Variants in SLC5A10 observed in about 807,000 individuals in gnomAD.
SLC5A10 encodes solute carrier family 5 member 10, also known as sodium/mannose cotransporter SLC5A10.
Under a neutral mutation model 68.9 loss-of-function variants are expected in SLC5A10, and 55 were observed. That is an observed-to-expected ratio of 0.80 (90% CI 0.64 to 1.00). The LOEUF (loss-of-function observed/expected upper bound fraction) is 1.00. Among genes scored for constraint, SLC5A10 ranks in the 50% least tolerant of loss-of-function variants. The pLI is 0.00. For missense variants in SLC5A10, 732 were observed against 819.3 expected (o/e 0.89, Z 1.30); for synonymous variants, 344 against 344.8 (o/e 1.00, Z 0.02).
At chr17:18,980,722 C>T (rs2043109812) in intron 9 of SLC5A10, among the ~76,000 whole-genome samples, 2 of 152,154 alleles carry the variant, frequency 1.3e-5, no homozygotes, top group Non-Finnish European at 2.9e-5. Flanking sequence ...TGGCCAAGGG[C>T]ATCCCGAAGT....
In SLC5A10 at chr17:19,015,198, C is replaced by T. The variant is rs771322586; in HGVS notation, c.1240C>T (p.Arg414Trp). 28 of 593,526 alleles carry T rather than the reference C, an allele frequency of 4.7e-5. No individual in the cohort carries two copies. The highest frequency in any genetic ancestry group is 4.2e-4 in the Admixed American group (13 of 31,288). The allele number at this position is 593,526 out of a possible 1,614,324, so 36.8% of individuals were successfully genotyped here. ...CGAGCGGGAGCTCCTGCTGGTGGGA[C>T]GGTACGGGGGTGGGGGCCAGTACGG... ...SGERELLLVG[R>W]LVIVALIGVS... Residue 414 changes from arginine (R) to tryptophan (W), a missense_variant and splice_region_variant, in exon 11 of 15, where the codon CGG (arginine) becomes TGG (tryptophan). Coordinates refer to ENST00000395645, the MANE Select transcript of SLC5A10 (RefSeq NM_001042450.4).
chr17:18,960,028 T>TACCCCTGGGCTGC (rs1311218150), intron 4 of SLC5A10, among the ~76,000 whole-genome samples: 1 of 152,090 alleles, frequency 6.6e-6, no homozygotes, highest in Non-Finnish European at 1.5e-5. Flanking sequence ...ACCTGGGCTG[T>TACCCCTGGGCTGC]ACCCCTGGGC....
chr17:19,019,228 C>T (rs1475422505), intron 11 of SLC5A10, 195 bp from the exon 12 acceptor site: 4 of 629,932 alleles, frequency 6.3e-6, no homozygotes, highest in Non-Finnish European at 1.1e-5. Context: ...CTGCAGGATC[C>T]AGGGAGCCAC....
At chr17:18,972,745 C>A (rs1344874258) in intron 8 of SLC5A10, among the ~76,000 whole-genome samples, 1 of 152,052 alleles carries the variant, frequency 6.6e-6, no homozygotes, top group Non-Finnish European at 1.5e-5. Context: ...GCCTGTAGTC[C>A]CAGCTACTCG....
At chr17:18,995,956 AT>A (rs2043560992) in intron 9 of SLC5A10, among the ~76,000 whole-genome samples, 1 of 152,022 alleles carries the variant, frequency 6.6e-6, no homozygotes, top group African/African-American at 2.4e-5. Context: ...CAGAAGAGAC[AT>A]GAAAAAACTA....
intron 9 of SLC5A10, among the ~76,000 whole-genome samples, chr17:18,984,117 C>T (rs1005979587): frequency 5.3e-5 from 8 of 151,914 alleles, no homozygotes; most frequent in South Asian, 4.1e-4. Flanking sequence ...CCGAGGCGGG[C>T]GGATCACGAG....
intron 2 of SLC5A10, 117 bp downstream of exon 2, chr17:18,958,870 G>A: frequency 8.0e-7 from 1 of 1,256,722 alleles, no homozygotes; most frequent in Non-Finnish European, 1.1e-6. Flanking sequence ...GCAGGCCGGA[G>A]GCTGGCAGGA....
At chr17:18,964,488 G>A (rs757931231) in intron 5 of SLC5A10, among the ~76,000 whole-genome samples, 4 of 152,198 alleles carry the variant, frequency 2.6e-5, no homozygotes, top group African/African-American at 9.7e-5. Context: ...GGCCCTGGGT[G>A]AGCCCCCCAC....
intron 9 of SLC5A10, chr17:18,978,215 T>TG (rs746975174): frequency 6.3e-7 from 1 of 1,575,380 alleles, no homozygotes. Context: ...GACACCGTCC[T>TG]GGGGGGCACT....
At chr17:18,967,542 C>T (rs1359807093) in intron 5 of SLC5A10, among the ~76,000 whole-genome samples, 1 of 152,208 alleles carries the variant, frequency 6.6e-6, no homozygotes, top group Non-Finnish European at 1.5e-5. Flanking sequence ...ATGTGTCTGG[C>T]GTGGCCAGAG....
intron 7 of SLC5A10, chr17:18,970,609 A>G (rs2042818216): frequency 8.1e-6 from 2 of 247,920 alleles, no homozygotes; most frequent in Non-Finnish European, 7.9e-6. Context: ...CAGGATGAAC[A>G]CTTTAGAAGC....
chr17:18,954,668 C>CT (rs2042453804), intron 1 of SLC5A10, among the ~76,000 whole-genome samples: 1 of 152,096 alleles, frequency 6.6e-6, no homozygotes, highest in Admixed American at 6.5e-5. Context: ...GGGGGGAGGC[C>CT]TTTAAGGAAG....
Position 18,976,977 on chromosome 17 carries a change from G to T in SLC5A10, c.970G>T (p.Ala324Ser). ...LIIMPGMISR[A>S]LFPDDVGCVV... The stretch of plus-strand genomic sequence containing the variant: ...CATCATGCCGGGCATGATCAGCCGC[G>T]CATTGTTCCCAGGTAGGACGGGCTC... The change falls in exon 9 of 15, where the codon GCA becomes TCA. Residue 324 changes from alanine (A) to serine (S), a missense_variant. Ala to Ser is a moderately conservative substitution (Grantham distance 99, BLOSUM62 1). Transcript: ENST00000395645. 1 of 1,612,684 alleles carries T rather than the reference G, an allele frequency of 6.2e-7. No individual in the cohort carries two copies. The highest frequency in any genetic ancestry group is 8.5e-7 in the Non-Finnish European group (1 of 1,179,832).
At chr17:18,977,694 T>C in intron 9 of SLC5A10, 1 of 1,610,390 alleles carries the variant, frequency 6.2e-7, no homozygotes, top group South Asian at 1.1e-5. Flanking sequence ...CCAACAAAGG[T>C]CCCTCGGGTT....
At chr17:19,011,222 G>T (rs1035599206) in intron 9 of SLC5A10, among the ~76,000 whole-genome samples, 5 of 152,188 alleles carry the variant, frequency 3.3e-5, no homozygotes, top group African/African-American at 1.2e-4. Context: ...CTACTGCCTT[G>T]GGGGTTGGGA....
At chr17:19,012,548 C>T (rs1202053600) in intron 9 of SLC5A10, among the ~76,000 whole-genome samples, 1 of 152,200 alleles carries the variant, frequency 6.6e-6, no homozygotes, top group African/African-American at 2.4e-5. Context: ...TGAGGGAAAG[C>T]GATGTGGGGC....
intron 8 of SLC5A10, chr17:18,975,928 C>A (rs1175021059): frequency 6.6e-6 from 1 of 152,122 alleles, no homozygotes; most frequent in East Asian, 1.9e-4. Flanking sequence ...GTGGCTCACG[C>A]TTGTAATCCC....
intron 5 of SLC5A10, among the ~76,000 whole-genome samples, chr17:18,963,949 C>T (rs188361941): frequency 1.2e-4 from 19 of 152,340 alleles, no homozygotes; most frequent in South Asian, 4.1e-4. Flanking sequence ...TGCCCCCACC[C>T]GCTCCAGCCA....
rs1387067441 is a variant in SLC5A10 at position 18,971,951 on chromosome 17, C to T, written c.846+733C>T. ...TCTGTAATATGGGAATAATCCTGCC[C>T]TTTGTGGGTGTAGCAAGGCAGCTTC... On this transcript the variant is annotated intron_variant, in intron 8 of 14. Coordinates refer to ENST00000395645, the MANE Select transcript of SLC5A10 (RefSeq NM_001042450.4). The surrounding 1 kb of genome is among the most constrained non-coding windows in gnomAD (Gnocchi z 5.5). Among the ~76,000 whole-genome samples, 1 of 152,206 alleles carries T rather than the reference C, an allele frequency of 6.6e-6. No homozygotes were observed. Among genetic ancestry groups the T allele is most frequent in the Non-Finnish European group, 1.5e-5 (1 of 68,032 alleles).
Sources: gnomAD v4.1 joint callset for allele counts (sites outside exome capture counted in the v4.1 genomes callset) on GRCh38, gnomAD v4.1.1 for gene constraint, Gnocchi (gnomAD v3.1) non-coding constraint, MANE v1.5 for transcripts, NCBI Gene and HGNC (gene_info 2026-07-23, HGNC 2026-07-21) for gene names.